Variants in KIF1B observed in about 807,000 individuals in gnomAD.
KIF1B encodes the protein kinesin family member 1B, also known as kinesin-like protein KIF1B.
KIF1B carries 76 observed loss-of-function variants against 241.9 expected under a neutral mutation model. That is an observed-to-expected ratio of 0.31 (90% CI 0.26 to 0.38). The LOEUF is 0.38. KIF1B is among the 10% of genes least tolerant of loss of function. The pLI is 1.00. For synonymous variants in KIF1B, 750 were observed against 796.7 expected (o/e 0.94, Z 0.99); for missense variants, 1,622 against 2,271.4 (o/e 0.71, Z 5.81).
Position 10,377,420 on chromosome 1 carries a change from A to G in KIF1B, c.*833A>G, listed in dbSNP as rs996005527. The G allele has an allele frequency of 4.4e-6, 1 of 227,620 alleles. No individual in the cohort carries two copies. The highest frequency in any genetic ancestry group is 8.7e-6 in the Non-Finnish European group (1 of 114,530). The allele number at this position is 227,620 out of a possible 1,614,324, so 14.1% of individuals were successfully genotyped here. ...GGGTTTGGCCGTGGGCCGTGATGGC[A>G]GCAGGCGGTGGGATGCTTGTAGCTC... On this transcript the variant is annotated 3_prime_UTR_variant, in exon 49 of 49. Transcript: ENST00000676179.
chr1:10,249,788 A>G (rs1418528691), intron 2 of KIF1B, among the ~76,000 whole-genome samples: 1 of 152,158 alleles, frequency 6.6e-6, no homozygotes, highest in Non-Finnish European at 1.5e-5. Context: ...CTGTGGTCCC[A>G]GTCACTCAGG....
chr1:10,217,046 T>A (rs1417788165), intron 1 of KIF1B, among the ~76,000 whole-genome samples: 1 of 134,396 alleles, frequency 7.4e-6, no homozygotes, highest in Non-Finnish European at 1.5e-5. Context: ...TGATCTTGGC[T>A]CACTACAACC....
chr1:10,217,439 A>T (rs10864448), intron 1 of KIF1B, among the ~76,000 whole-genome samples: 45,001 of 147,134 alleles, frequency 0.31, 6,978 homozygotes, highest in Middle Eastern at 0.38. Context: ...TGCCTCGGCC[A>T]CCTGAGCAGC....
intron 23 of KIF1B, among the ~76,000 whole-genome samples, chr1:10,321,316 C>A (rs571808238): frequency 6.6e-6 from 1 of 152,168 alleles, no homozygotes; most frequent in African/African-American, 2.4e-5. Flanking sequence ...GTTGGCCAGG[C>A]TGGCCTCAAA....
chr1:10,231,175 A>C (rs1001282454), intron 1 of KIF1B, among the ~76,000 whole-genome samples: 4 of 152,134 alleles, frequency 2.6e-5, no homozygotes, highest in Admixed American at 2.0e-4. Flanking sequence ...GTGCCATTGC[A>C]CTCCAGCCTG....
rs1036974686 is a variant in KIF1B at position 10,378,740 on chromosome 1, C to T, written c.*2153C>T. 2.9e-6 allele frequency: 1 copy of T among 349,152 alleles called. No individual in the cohort carries two copies. Among genetic ancestry groups the T allele is most frequent in the Non-Finnish European group, 5.4e-6 (1 of 186,452 alleles). The allele number at this position is 349,152 out of a possible 1,614,324, so 21.6% of individuals were successfully genotyped here. ...CCTGGTTGGGCTCATCTCTGAAGAACAGGTCTCCCAGCTTCGCTCCTTATC... is the reference window on the plus strand; with the variant it reads ...CCTGGTTGGGCTCATCTCTGAAGAATAGGTCTCCCAGCTTCGCTCCTTATC... On this transcript the variant is annotated 3_prime_UTR_variant, in exon 49 of 49. Transcript: ENST00000676179.
At position 10,378,573 on chromosome 1, in the gene KIF1B, C is replaced by T. The variant is rs557129908; in HGVS notation, c.*1986C>T. ...TGCTCACTCCCACTTGGTGAGTCCT[C>T]GGCCTTGAGGTTGCTGACTCTCAGG... is the stretch of plus-strand genomic sequence containing the variant. On this transcript the variant is annotated 3_prime_UTR_variant, in exon 49 of 49. Coordinates refer to ENST00000676179, the MANE Select transcript of KIF1B (RefSeq NM_001365951.3). 11 of 631,926 alleles carry T rather than the reference C, an allele frequency of 1.7e-5. No homozygotes were observed. Among genetic ancestry groups the T allele is most frequent in the Admixed American group, 7.5e-5 (3 of 40,218 alleles). 39.1% of individuals were successfully genotyped at this position (631,926 alleles called of 1,614,324 possible). A position where few individuals can be genotyped will look rare whatever the true frequency, so the allele number is the denominator to read the frequency against.
At chr1:10,278,870 T>TA in intron 13 of KIF1B, 1 of 472,472 alleles carries the variant, frequency 2.1e-6, no homozygotes, top group Non-Finnish European at 3.8e-6. Context: ...AAGTTAAACT[T>TA]ATATTCCTTG....
intron 3 of KIF1B, among the ~76,000 whole-genome samples, chr1:10,257,244 T>G (rs537571444): frequency 6.6e-6 from 1 of 151,406 alleles, no homozygotes; most frequent in African/African-American, 2.4e-5. Flanking sequence ...TTTTTTTTAA[T>G]TGTAGTAGAG....
intron 22 of KIF1B, among the ~76,000 whole-genome samples, chr1:10,318,937 T>C (rs986888784): frequency 6.6e-6 from 1 of 152,124 alleles, no homozygotes. Context: ...ATATACTACA[T>C]ATCTGTATAC....
intron 27 of KIF1B, among the ~76,000 whole-genome samples, chr1:10,333,938 G>T (rs1652059708): frequency 6.6e-6 from 1 of 151,746 alleles, no homozygotes; most frequent in African/African-American, 2.4e-5. Context: ...GGATCACAAG[G>T]TCAGGAGATT....
At position 10,261,946 on chromosome 1, in the gene KIF1B, T is replaced by C. The variant is rs201229642; in HGVS notation, c.405T>C (p.Asn135=). 5.4e-5 allele frequency: 87 copies of C among 1,611,834 alleles called. No homozygotes were observed. The highest frequency in any genetic ancestry group is 2.7e-4 in the Admixed American group (16 of 59,994). Residue 135 remains asparagine (N), a synonymous_variant, in exon 5 of 49, where the codon AAT becomes AAC. Coordinates refer to ENST00000676179, the MANE Select transcript of KIF1B (RefSeq NM_001365951.3). ...ELFEKINDNC[N]EEMSYSVEVS... Reference sequence around the variant, plus strand: ...TTGAGAAAATCAATGACAACTGTAATGAAGAAATGTCTTACTCTGTAGAGG... The same window carrying C: ...TTGAGAAAATCAATGACAACTGTAACGAAGAAATGTCTTACTCTGTAGAGG...
At chr1:10,279,197 G>C in intron 14 of KIF1B, 59 bp downstream of exon 14, 1 of 1,151,702 alleles carries the variant, frequency 8.7e-7, no homozygotes, top group South Asian at 1.4e-5. Flanking sequence ...TGCCTCTGCT[G>C]GATCAGCCTT....
chr1:10,372,651 TTGGGTGACA>T (rs1638768943), intron 45 of KIF1B, among the ~76,000 whole-genome samples: 2 of 117,098 alleles, frequency 1.7e-5, no homozygotes, highest in Non-Finnish European at 1.7e-5. Context: ...GCGCGCCAGC[TTGGGTGACA>T]GAGCTGTCAC....
chr1:10,330,912 T>C (rs1259247573), intron 27 of KIF1B, among the ~76,000 whole-genome samples: 1 of 152,144 alleles, frequency 6.6e-6, no homozygotes, highest in East Asian at 1.9e-4. Context: ...TCACATAACG[T>C]TGGGGGACCT....
At chr1:10,229,891 A>AAAAAAAAAG (rs1646958342) in intron 1 of KIF1B, among the ~76,000 whole-genome samples, 2 of 149,854 alleles carry the variant, frequency 1.3e-5, no homozygotes, top group African/African-American at 4.9e-5. Flanking sequence ...AAAAAAAAAA[A>AAAAAAAAAG]AAAAGAAAAG....
chr1:10,340,762 C>T (rs753404851), intron 32 of KIF1B, among the ~76,000 whole-genome samples: 1 of 151,918 alleles, frequency 6.6e-6, no homozygotes, highest in African/African-American at 2.4e-5. Context: ...GGCAAGAAAG[C>T]GAGACTCCCA....
intron 39 of KIF1B, among the ~76,000 whole-genome samples, chr1:10,361,394 G>A (rs553767236): frequency 7.9e-5 from 12 of 152,210 alleles, no homozygotes; most frequent in African/African-American, 2.4e-4. Context: ...CCAGCCTGTC[G>A]GTTCAAATCC....
intron 37 of KIF1B, among the ~76,000 whole-genome samples, chr1:10,351,339 A>G (rs1198739187): frequency 6.6e-6 from 1 of 152,162 alleles, no homozygotes; most frequent in Non-Finnish European, 1.5e-5. Flanking sequence ...GCTTCTCTGA[A>G]GGATCCTATG....
Sources: gnomAD v4.1 joint callset for allele counts (sites outside exome capture counted in the v4.1 genomes callset) on GRCh38, gnomAD v4.1.1 for gene constraint, MANE v1.5 for transcripts, NCBI Gene and HGNC (gene_info 2026-07-23, HGNC 2026-07-21) for gene names.